ACTR3: variants seen among roughly 807,000 people sequenced by gnomAD.
The protein encoded by ACTR3 is actin related protein 3, also known as actin-related protein 3.
A neutral mutation model predicts 56.8 loss-of-function variants in ACTR3; 12 were observed. The ratio of observed to expected loss-of-function variants is 0.21; its 90% CI spans 0.14 to 0.34. The LOEUF is 0.34. ACTR3 is among the 10% of genes least tolerant of loss of function. The pLI is 1.00. For synonymous variants in ACTR3, 162 were observed against 167.4 expected (o/e 0.97, Z 0.25); for missense variants, 282 against 512.5 (o/e 0.55, Z 4.34).
At chr2:113,894,374 T>G (rs1299086274) in intron 1 of ACTR3, among the ~76,000 whole-genome samples, 2 of 152,318 alleles carry the variant, frequency 1.3e-5, no homozygotes, top group Non-Finnish European at 1.5e-5. Context: ...ATTACAGACA[T>G]GAGCCACTGC....
At chr2:113,953,364 C>T (rs1680153893) in intron 10 of ACTR3, 1 of 152,244 alleles carries the variant, frequency 6.6e-6, no homozygotes, top group African/African-American at 2.4e-5. Context: ...GCATTATATA[C>T]TGGTTCAACA....
chr2:113,920,798 G>A (rs1433762227), intron 3 of ACTR3, among the ~76,000 whole-genome samples: 5 of 152,138 alleles, frequency 3.3e-5, no homozygotes, highest in Non-Finnish European at 7.3e-5. Flanking sequence ...GCTCATCTGT[G>A]TTGCCAGGAA....
intron 10 of ACTR3, chr2:113,952,903 ATATC>A (rs2104630173): frequency 6.6e-6 from 1 of 152,206 alleles, no homozygotes; most frequent in Admixed American, 6.5e-5. Context: ...CCTTACCCAC[ATATC>A]TATCTACCCT....
intron 1 of ACTR3, among the ~76,000 whole-genome samples, chr2:113,910,350 A>C (rs1679284697): frequency 6.6e-6 from 1 of 152,136 alleles, no homozygotes; most frequent in Non-Finnish European, 1.5e-5. Flanking sequence ...CTTCCTACAC[A>C]CCTCACCCTG....
chr2:113,925,042 G>C (rs1406571791), intron 3 of ACTR3, among the ~76,000 whole-genome samples: 1 of 148,366 alleles, frequency 6.7e-6, no homozygotes, highest in Non-Finnish European at 1.5e-5. Flanking sequence ...GATTATAGGT[G>C]CCTGCCACCA....
At chr2:113,889,969 T>A (rs1464699549), upstream of ACTR3, 1 of 527,670 alleles carries the variant, frequency 1.9e-6, no homozygotes, top group Non-Finnish European at 3.3e-6. Context: ...CATCTTGGCT[T>A]CCCGGGGAAA....
intron 3 of ACTR3, among the ~76,000 whole-genome samples, chr2:113,922,185 T>C (rs961869646): frequency 1.3e-5 from 2 of 151,820 alleles, no homozygotes; most frequent in Non-Finnish European, 2.9e-5. Context: ...TCAATTGTGA[T>C]TGGGAGGGAG....
chr2:113,946,441 T>C (rs992815232), intron 8 of ACTR3, among the ~76,000 whole-genome samples: 1 of 152,174 alleles, frequency 6.6e-6, no homozygotes, highest in African/African-American at 2.4e-5. Flanking sequence ...GTGGGTTTGA[T>C]TTACATTTCT....
At position 113,936,032 on chromosome 2, in the gene ACTR3, C is replaced by T. The variant is rs563161117; in HGVS notation, c.540+1646C>T. On this transcript the variant is annotated intron_variant, in intron 6 of 11. Coordinates refer to ENST00000263238, the MANE Select transcript of ACTR3 (RefSeq NM_005721.5). ...ATTCTGGCTGGTATGGTGGCTCATG[C>T]CTGTAATCCCAGCACTTTGGGAGGC... Among the ~76,000 whole-genome samples, 355 of 152,220 alleles carry T rather than the reference C, an allele frequency of 2.3e-3. 2 individuals carry two copies. Among genetic ancestry groups the T allele is most frequent in the African/African-American group, 7.9e-3 (329 of 41,530 alleles).
intron 4 of ACTR3, among the ~76,000 whole-genome samples, chr2:113,929,289 C>T (rs183583564): frequency 1.1e-3 from 163 of 152,074 alleles, no homozygotes; most frequent in Non-Finnish European, 1.8e-3. Flanking sequence ...CACACAGGCC[C>T]GGGCCACCAC....
intron 4 of ACTR3, among the ~76,000 whole-genome samples, chr2:113,930,213 A>G (rs752385574): frequency 6.6e-6 from 1 of 151,592 alleles, no homozygotes; most frequent in African/African-American, 2.4e-5. Flanking sequence ...TTAATTTTGT[A>G]TGTATTCATC....
intron 5 of ACTR3, among the ~76,000 whole-genome samples, chr2:113,931,999 T>A (rs1679731615): frequency 6.6e-6 from 1 of 152,120 alleles, no homozygotes; most frequent in Non-Finnish European, 1.5e-5. Flanking sequence ...TGTTTCTGTT[T>A]TTTGTGGAGG....
chr2:113,913,365 G>A, intron 2 of ACTR3, 138 bp downstream of exon 2: 1 of 568,632 alleles, frequency 1.8e-6, no homozygotes. Context: ...GGTTCTAAGT[G>A]TGGCCTCATT....
intron 6 of ACTR3, chr2:113,934,635 A>G (rs549011336): frequency 2.7e-5 from 7 of 260,382 alleles, no homozygotes; most frequent in African/African-American, 1.4e-4. Flanking sequence ...GAAGTATATT[A>G]ATGGCTTTCA....
intron 3 of ACTR3, among the ~76,000 whole-genome samples, chr2:113,920,151 G>A (rs1679480423): frequency 6.6e-6 from 1 of 152,204 alleles, no homozygotes; most frequent in African/African-American, 2.4e-5. Flanking sequence ...TTGAACTCCT[G>A]ACTTCAGGTG....
In ACTR3 at chr2:113,916,983, T is replaced by C; in HGVS notation, c.200T>C (p.Ile67Thr). The C allele has an allele frequency of 1.2e-6, 2 of 1,606,866 alleles. No homozygotes were observed. Among genetic ancestry groups the C allele is most frequent in the Non-Finnish European group, 1.7e-6 (2 of 1,176,596 alleles). ...GACTTCTTCATTGGTGATGAAGCAATAGAAAAACCTACATATGCAACAAAG... is the reference window on the plus strand; with the variant it reads ...GACTTCTTCATTGGTGATGAAGCAACAGAAAAACCTACATATGCAACAAAG... ...DLDFFIGDEA[I>T]EKPTYATKWP... The change falls in exon 3 of 12, where the codon ATA becomes ACA. Residue 67 changes from isoleucine to threonine, a missense_variant. Transcript: ENST00000263238.
At chr2:113,924,660 T>C (rs1559473464) in intron 3 of ACTR3, among the ~76,000 whole-genome samples, 2 of 152,294 alleles carry the variant, frequency 1.3e-5, no homozygotes, top group East Asian at 3.9e-4. Context: ...TTCAAATCTT[T>C]TGGCACATAA....
intron 1 of ACTR3, among the ~76,000 whole-genome samples, chr2:113,891,625 T>A (rs1394693555): frequency 1.3e-5 from 2 of 151,510 alleles, no homozygotes; most frequent in Non-Finnish European, 2.9e-5. Flanking sequence ...CTTTTTTTTT[T>A]ATTATTAATT....
intron 1 of ACTR3, among the ~76,000 whole-genome samples, chr2:113,906,884 G>A (rs1679203520): frequency 6.6e-6 from 1 of 152,010 alleles, no homozygotes; most frequent in Admixed American, 6.5e-5. Context: ...GAGGAAGTGT[G>A]AGATCTCCAA....
Sources: gnomAD v4.1 joint callset for allele counts (sites outside exome capture counted in the v4.1 genomes callset) on GRCh38, gnomAD v4.1.1 for gene constraint, MANE v1.5 for transcripts, NCBI Gene and HGNC (gene_info 2026-07-23, HGNC 2026-07-21) for gene names.